Variants in LYPLAL1 observed in about 807,000 individuals in gnomAD.
LYPLAL1 encodes the protein lysophospholipase like 1.
A neutral mutation model predicts 19.7 loss-of-function variants in LYPLAL1; 23 were observed. The ratio of observed to expected loss-of-function variants is 1.17; its 90% CI spans 0.84 to 1.65. LYPLAL1 has a LOEUF of 1.65. Ranked by LOEUF, LYPLAL1 falls within the 40% of genes most tolerant of loss-of-function variation. The pLI, the probability that LYPLAL1 is intolerant of heterozygous loss-of-function variation, is 0.00. For synonymous variants in LYPLAL1, 119 were observed against 96.3 expected, an observed-to-expected ratio of 1.24 and a Z score of -1.38; for missense variants, 355 against 279.4, an observed-to-expected ratio of 1.27 and a Z score of -1.93.
the LYPLAL1 span, among the ~76,000 whole-genome samples, chr1:219,233,114 C>T: frequency 6.6e-6 from 1 of 152,138 alleles, no homozygotes. Context: ...TGAAGCAACC[C>T]AAATGTCCAT....
the LYPLAL1 span, among the ~76,000 whole-genome samples, chr1:219,375,931 C>T: frequency 1.3e-5 from 2 of 151,896 alleles, no homozygotes; most frequent in Non-Finnish European, 2.9e-5. Flanking sequence ...TTAGTAGAGA[C>T]GGGGTTTCTC....
the LYPLAL1 span, among the ~76,000 whole-genome samples, chr1:219,307,023 C>CATAT: frequency 4.5e-3 from 537 of 119,432 alleles, 1 homozygote; most frequent in South Asian, 6.7e-3. Context: ...TATACACATA[C>CATAT]ATATATATAT....
the LYPLAL1 span, among the ~76,000 whole-genome samples, chr1:219,240,351 C>G: frequency 1.8e-4 from 27 of 152,216 alleles, no homozygotes; most frequent in African/African-American, 6.3e-4. Flanking sequence ...TAAAATGAAA[C>G]TGACATGACA....
chr1:219,381,212 A>T, the LYPLAL1 span, among the ~76,000 whole-genome samples: 1 of 152,098 alleles, frequency 6.6e-6, no homozygotes, highest in Non-Finnish European at 1.5e-5. Flanking sequence ...ATGGTTTTAT[A>T]AAGGGGGCAC....
the LYPLAL1 span, among the ~76,000 whole-genome samples, chr1:219,253,606 TTTAC>T: frequency 1.1e-5 from 1 of 92,010 alleles, no homozygotes; most frequent in Non-Finnish European, 2.4e-5. Context: ...TTTCATAGTC[TTTAC>T]TTCTATTTTT....
the LYPLAL1 span, among the ~76,000 whole-genome samples, chr1:219,382,455 G>C: frequency 1.3e-5 from 2 of 152,102 alleles, no homozygotes; most frequent in African/African-American, 4.8e-5. Context: ...CACCTCCCGG[G>C]GTCACGTCAT....
At chr1:219,213,230 C>A (rs540609950), downstream of LYPLAL1, among the ~76,000 whole-genome samples, 4 of 152,066 alleles carry the variant, frequency 2.6e-5, no homozygotes, top group South Asian at 4.1e-4. Flanking sequence ...TCAGCTAGAT[C>A]TTGCCTTTGT....
the LYPLAL1 span, among the ~76,000 whole-genome samples, chr1:219,279,877 G>T: frequency 6.6e-6 from 1 of 151,860 alleles, no homozygotes; most frequent in African/African-American, 2.4e-5. Context: ...TAAAGGAAAA[G>T]ACTCCAAAAT....
the LYPLAL1 span, among the ~76,000 whole-genome samples, chr1:219,380,154 TTAAA>T: frequency 4.6e-5 from 7 of 152,056 alleles, no homozygotes; most frequent in Non-Finnish European, 1.0e-4. Context: ...CCCAGAGGAG[TTAAA>T]TAATGTGTCA....
chr1:219,250,889 C>T, the LYPLAL1 span, among the ~76,000 whole-genome samples: 1 of 152,012 alleles, frequency 6.6e-6, no homozygotes, highest in African/African-American at 2.4e-5. Context: ...ATACTGCTTT[C>T]CACAATGGTT....
At chr1:219,228,117 A>G in the LYPLAL1 span, among the ~76,000 whole-genome samples, 1 of 152,152 alleles carries the variant, frequency 6.6e-6, no homozygotes, top group Non-Finnish European at 1.5e-5. Context: ...GAACAAAGAG[A>G]AACCATCTCT....
chr1:219,250,457 T>C, the LYPLAL1 span, among the ~76,000 whole-genome samples: 1 of 152,012 alleles, frequency 6.6e-6, no homozygotes, highest in East Asian at 1.9e-4. Flanking sequence ...GTATTTCATT[T>C]TTATTTTAAC....
chr1:219,209,746 A>G (rs927045599), intron 3 of LYPLAL1, among the ~76,000 whole-genome samples: 2 of 152,080 alleles, frequency 1.3e-5, no homozygotes, highest in South Asian at 2.1e-4. Flanking sequence ...CAGGCCTGGA[A>G]TCACCATTCT....
chr1:219,423,377 C>G, the LYPLAL1 span, among the ~76,000 whole-genome samples: 3 of 152,144 alleles, frequency 2.0e-5, no homozygotes, highest in Non-Finnish European at 4.4e-5. Context: ...TCTGTGCTTT[C>G]CTAATAAGCT....
At chr1:219,216,183 G>A (rs1015623150), downstream of LYPLAL1, among the ~76,000 whole-genome samples, 1 of 151,714 alleles carries the variant, frequency 6.6e-6, no homozygotes, top group Non-Finnish European at 1.5e-5. Flanking sequence ...TGAATATATG[G>A]AATATAATTA....
chr1:219,241,134 C>CTATATATATATATATATATATA, the LYPLAL1 span, among the ~76,000 whole-genome samples: 7 of 44,362 alleles, frequency 1.6e-4, no homozygotes, highest in Non-Finnish European at 2.6e-4. Context: ...CTCTCTCTCT[C>CTATATATATATATATATATATA]TATATATATA....
the LYPLAL1 span, among the ~76,000 whole-genome samples, chr1:219,270,446 T>C: frequency 6.6e-6 from 1 of 152,176 alleles, no homozygotes. Flanking sequence ...AGGTGTTCCA[T>C]TTGCATAAGG....
the LYPLAL1 span, among the ~76,000 whole-genome samples, chr1:219,378,347 C>A: frequency 6.2e-4 from 94 of 152,150 alleles, no homozygotes; most frequent in African/African-American, 2.2e-3. Context: ...GAAGAGTGAG[C>A]AAAAGGGGAA....
chr1:219,280,447 C>T, the LYPLAL1 span, among the ~76,000 whole-genome samples: 5 of 152,270 alleles, frequency 3.3e-5, no homozygotes, highest in South Asian at 8.3e-4. Flanking sequence ...TTCCCCCCAT[C>T]ACGCTATATT....
Sources: allele counts gnomAD v4.1 joint callset (sites outside exome capture counted in the v4.1 genomes callset), GRCh38; gene constraint gnomAD v4.1.1; transcripts MANE v1.5; gene names NCBI Gene and HGNC (gene_info 2026-07-23, HGNC 2026-07-21).